RFC3: variants seen among roughly 807,000 people sequenced by gnomAD.
RFC3 encodes replication factor C subunit 3.
In RFC3, 41 loss-of-function variants were observed where a neutral mutation model predicts 45.1. The observed-to-expected ratio is 0.91, with a 90% CI of 0.71 to 1.18. RFC3 has a LOEUF of 1.18. RFC3 is among the 50% of genes most tolerant of loss of function. The pLI is 0.00. For synonymous variants in RFC3, 149 were observed against 144.0 expected (o/e 1.03, Z -0.25); for missense variants, 423 against 428.1 (o/e 0.99, Z 0.10).
At chr13:33,841,646 C>A (rs1163583931), downstream of RFC3, among the ~76,000 whole-genome samples, 1 of 152,144 alleles carries the variant, frequency 6.6e-6, no homozygotes, top group Non-Finnish European at 1.5e-5. Context: ...TTGGGGGAGT[C>A]AAAAGTTATA....
At chr13:33,902,299 G>C (rs138709817) in intron 8 of RFC3, among the ~76,000 whole-genome samples, 51 of 152,188 alleles carry the variant, frequency 3.4e-4, no homozygotes, top group African/African-American at 1.2e-3. Flanking sequence ...CATAGTTTGA[G>C]AATCAGCAAT....
At chr13:33,852,707 A>G (rs140255335) in intron 8 of RFC3, among the ~76,000 whole-genome samples, 9 of 152,326 alleles carry the variant, frequency 5.9e-5, no homozygotes, top group African/African-American at 1.7e-4. Flanking sequence ...ATAATAGTTT[A>G]TAGAGACTTA....
downstream of RFC3, among the ~76,000 whole-genome samples, chr13:33,969,086 G>A (rs2083100313): frequency 6.6e-6 from 1 of 152,208 alleles, no homozygotes; most frequent in Non-Finnish European, 1.5e-5. Flanking sequence ...GTCAACAAAT[G>A]AGATCTGACA....
chr13:33,899,021 C>A (rs2082620062), intron 8 of RFC3, among the ~76,000 whole-genome samples: 1 of 151,378 alleles, frequency 6.6e-6, no homozygotes, highest in Non-Finnish European at 1.5e-5. Context: ...AAAAGTCTCC[C>A]ATCAAATAAA....
At position 33,831,117 on chromosome 13, in the gene RFC3, C is replaced by G. The variant is rs1449101024; in HGVS notation, c.711-139C>G. 9 of 634,754 alleles carry G rather than the reference C, an allele frequency of 1.4e-5. No homozygotes were observed. The East Asian group carries it at 2.5e-4, about 17-fold the overall frequency. The allele number at this position is 634,754 out of a possible 1,614,324, so 39.3% of individuals were successfully genotyped here. A position where few individuals can be genotyped will look rare whatever the true frequency, so the allele number is the denominator to read the frequency against. On this transcript the variant is annotated intron_variant, in intron 6 of 8. Coordinates refer to ENST00000380071, the MANE Select transcript of RFC3 (RefSeq NM_002915.4). The stretch of plus-strand genomic sequence containing the variant: ...GGTCCGACAGGAGGTGGAACTCAGG[C>G]CATAATGCTGGCCTATCCGCTGCTC...
chr13:33,886,343 G>A (rs952207086), intron 8 of RFC3, among the ~76,000 whole-genome samples: 1 of 152,030 alleles, frequency 6.6e-6, no homozygotes, highest in Non-Finnish European at 1.5e-5. Context: ...TCAGGAGACT[G>A]AGACCATCCA....
At chr13:33,913,358 C>A (rs2082714529) in intron 8 of RFC3, among the ~76,000 whole-genome samples, 1 of 151,966 alleles carries the variant, frequency 6.6e-6, no homozygotes, top group South Asian at 2.1e-4. Context: ...TTATGTAAGG[C>A]CAGAATTCAG....
intron 1 of RFC3, among the ~76,000 whole-genome samples, chr13:33,818,805 G>A (rs920688211): frequency 6.6e-6 from 1 of 151,404 alleles, no homozygotes; most frequent in Non-Finnish European, 1.5e-5. Flanking sequence ...TACAAGTAAA[G>A]TGTTGTAAAT....
At chr13:33,973,320 C>T in the RFC3 span, among the ~76,000 whole-genome samples, 5 of 152,192 alleles carry the variant, frequency 3.3e-5, no homozygotes, top group African/African-American at 1.2e-4. Flanking sequence ...CCAGAGAGAG[C>T]CTTCCTGGCA....
At chr13:33,908,696 C>A (rs112152382) in intron 8 of RFC3, among the ~76,000 whole-genome samples, 2,436 of 151,478 alleles carry the variant, frequency 0.016, 63 homozygotes, top group African/African-American at 0.049. Flanking sequence ...GCCAAGAAGT[C>A]TCAGAATCTA....
Position 33,925,708 on chromosome 13 carries a change from C to CACAT in RFC3, c.880-40378_880-40377insCATA, listed in dbSNP as rs1373102412. ...GTATATATACACACACACACACACACATATACATATATATTTATGTATGTC... is the reference window on the plus strand; with the variant it reads ...GTATATATACACACACACACACACACACATATATACATATATATTTATGTATGTC... On this transcript the variant is annotated intron_variant, in intron 8 of 8. Transcript: ENST00000434425. Among the ~76,000 whole-genome samples the CACAT allele has an allele frequency of 3.3e-5, 5 of 151,270 alleles. No homozygotes were observed. The East Asian group carries it at 9.7e-4, about 29-fold the overall frequency.
intron 8 of RFC3, among the ~76,000 whole-genome samples, chr13:33,939,031 C>T (rs2082907016): frequency 6.6e-6 from 1 of 152,072 alleles, no homozygotes; most frequent in South Asian, 2.1e-4. Flanking sequence ...AATTGAGCAT[C>T]TTCTCATGTA....
chr13:33,880,711 A>AT (rs756715224), intron 8 of RFC3, among the ~76,000 whole-genome samples: 2 of 152,188 alleles, frequency 1.3e-5, no homozygotes, highest in Non-Finnish European at 2.9e-5. Flanking sequence ...ACCACCTTAC[A>AT]TTTTAATTCT....
intron 8 of RFC3, among the ~76,000 whole-genome samples, chr13:33,915,925 A>G (rs1329958782): frequency 2.6e-5 from 4 of 152,022 alleles, no homozygotes; most frequent in South Asian, 2.1e-4. Flanking sequence ...CAGCCTCCCA[A>G]GTAGTTGGGA....
At chr13:33,904,214 A>G (rs924400921) in intron 8 of RFC3, among the ~76,000 whole-genome samples, 4 of 152,046 alleles carry the variant, frequency 2.6e-5, no homozygotes, top group African/African-American at 9.7e-5. Context: ...ACACTTAGAA[A>G]ATATTGACTA....
intron 8 of RFC3, among the ~76,000 whole-genome samples, chr13:33,875,363 C>T (rs1276267921): frequency 6.6e-6 from 1 of 152,126 alleles, no homozygotes; most frequent in Non-Finnish European, 1.5e-5. Context: ...AATATGTAAG[C>T]TGAGACCTGC....
intron 8 of RFC3, among the ~76,000 whole-genome samples, chr13:33,942,071 A>C (rs566096924): frequency 1.3e-4 from 20 of 152,192 alleles, no homozygotes; most frequent in African/African-American, 4.8e-4. Flanking sequence ...AATATTGTCT[A>C]CTTTTTCTCT....
intron 8 of RFC3, among the ~76,000 whole-genome samples, chr13:33,909,059 GT>G (rs2082688987): frequency 6.6e-6 from 1 of 151,918 alleles, no homozygotes; most frequent in African/African-American, 2.4e-5. Flanking sequence ...AAATGTCTGG[GT>G]ACCCCAGGTC....
intron 8 of RFC3, among the ~76,000 whole-genome samples, chr13:33,953,097 T>A (rs2083000410): frequency 6.6e-6 from 1 of 152,172 alleles, no homozygotes; most frequent in African/African-American, 2.4e-5. Flanking sequence ...AGAAATTAAA[T>A]ATATAATTTT....
Sources: gnomAD v4.1 joint callset for allele counts (sites outside exome capture counted in the v4.1 genomes callset) on GRCh38, gnomAD v4.1.1 for gene constraint, MANE v1.5 for transcripts, NCBI Gene and HGNC (gene_info 2026-07-23, HGNC 2026-07-21) for gene names.